IFT80: variants seen among roughly 807,000 people sequenced by gnomAD.
IFT80 encodes intraflagellar transport 80.
In IFT80, 79 loss-of-function variants were observed where a neutral mutation model predicts 107.9. The ratio of observed to expected loss-of-function variants is 0.73; its 90% CI spans 0.61 to 0.88. The LOEUF (loss-of-function observed/expected upper bound fraction) is 0.88. Among genes scored for constraint, IFT80 ranks in the 40% least tolerant of loss-of-function variants. The pLI is 0.00. For missense variants in IFT80, 797 were observed against 914.2 expected (o/e 0.87, Z 1.65); for synonymous variants, 299 against 300.9 (o/e 0.99, Z 0.07).
At chr3:160,377,153 G>A (rs1020405418) in intron 4 of IFT80, among the ~76,000 whole-genome samples, 1 of 152,056 alleles carries the variant, frequency 6.6e-6, no homozygotes, top group African/African-American at 2.4e-5. Flanking sequence ...GAGAATATTT[G>A]GAATTTTCAA....
At chr3:160,270,204 T>A (rs568587934) in intron 18 of IFT80, among the ~76,000 whole-genome samples, 2 of 152,366 alleles carry the variant, frequency 1.3e-5, no homozygotes. Flanking sequence ...TTTCACCACA[T>A]TGGCCAGGCT....
intron 9 of IFT80, among the ~76,000 whole-genome samples, chr3:160,308,584 A>G (rs1202454542): frequency 6.6e-6 from 1 of 152,164 alleles, no homozygotes; most frequent in East Asian, 1.9e-4. Context: ...GGAAAAAAGT[A>G]ATTATACCTA....
chr3:160,325,622 C>T (rs1718625183), intron 8 of IFT80, among the ~76,000 whole-genome samples: 2 of 151,792 alleles, frequency 1.3e-5, no homozygotes, highest in Admixed American at 6.6e-5. Flanking sequence ...GAGCCAGAAG[C>T]GAATTTTGAA....
At position 160,357,516 on chromosome 3, in the gene IFT80, T is replaced by A. The variant is rs1359553849; in HGVS notation, c.612A>T (p.Leu204Phe). 6.3e-7 allele frequency: 1 copy of A among 1,585,038 alleles called. No homozygotes were observed. The highest frequency in any genetic ancestry group is 8.7e-7 in the Non-Finnish European group (1 of 1,154,084). ...TATATTTACAGTCTTCACCAGCAGA[T>A]AAAATAAGATCATTGACCGAGTTCC... is the stretch of plus-strand genomic sequence containing the variant. Reference protein sequence around the residue: ...VDWNSVNDLILSAGEDCKYKV... With the variant: ...VDWNSVNDLIFSAGEDCKYKV... The change falls in exon 7 of 20, where the codon TTA becomes TTT. Residue 204 changes from leucine to phenylalanine, a missense_variant. By Grantham distance (22) the Leu-to-Phe change is conservative (BLOSUM62 0). Transcript: ENST00000326448.
intron 5 of IFT80, among the ~76,000 whole-genome samples, chr3:160,374,519 T>C (rs1711835987): frequency 6.6e-6 from 1 of 151,884 alleles, no homozygotes; most frequent in African/African-American, 2.4e-5. Flanking sequence ...GGCAACAAAT[T>C]GATAGAAGAA....
rs114192008 is a variant in IFT80, at chr3:160,350,690, G to A, written c.777+5323C>T. Among the ~76,000 whole-genome samples, 20 of 151,780 alleles carry A rather than the reference G, an allele frequency of 1.3e-4. No homozygotes were observed. The South Asian group carries it at 3.5e-3, about 27-fold the overall frequency. ...ATTAGCTGGGCGTGGTGATGTGCGC[G>A]TGTAGTCCCAGTTACTTGTGAGGCT... On this transcript the variant is annotated intron_variant, in intron 8 of 19. Coordinates refer to ENST00000326448, the MANE Select transcript of IFT80 (RefSeq NM_020800.3).
chr3:160,320,728 T>TTTG (rs376482900), intron 8 of IFT80, among the ~76,000 whole-genome samples: 1 of 151,866 alleles, frequency 6.6e-6, no homozygotes, highest in Non-Finnish European at 1.5e-5. Context: ...CAGTCTTGAT[T>TTTG]TTGTTGTTGT....
At chr3:160,347,688 A>G (rs1372324708) in intron 8 of IFT80, among the ~76,000 whole-genome samples, 2 of 152,162 alleles carry the variant, frequency 1.3e-5, no homozygotes, top group Non-Finnish European at 2.9e-5. Flanking sequence ...CAGTCTTTTT[A>G]CTAAATAACA....
intron 1 of IFT80, among the ~76,000 whole-genome samples, chr3:160,390,634 T>A (rs1485898902): frequency 6.6e-6 from 1 of 152,182 alleles, no homozygotes; most frequent in Non-Finnish European, 1.5e-5. Context: ...TCCTGCAATA[T>A]CCATTCATCC....
intron 19 of IFT80, among the ~76,000 whole-genome samples, chr3:160,263,268 T>G (rs986867820): frequency 1.3e-5 from 2 of 152,196 alleles, no homozygotes; most frequent in Non-Finnish European, 2.9e-5. Context: ...AAATTTTTCT[T>G]AAATTAATCG....
intron 12 of IFT80, among the ~76,000 whole-genome samples, chr3:160,293,157 G>GA (rs1187054920): frequency 6.6e-6 from 1 of 152,164 alleles, no homozygotes; most frequent in African/African-American, 2.4e-5. Context: ...CAGAGCAAAA[G>GA]AATGATATTG....
At chr3:160,258,972 G>A (rs1395487373) in intron 19 of IFT80, among the ~76,000 whole-genome samples, 1 of 152,014 alleles carries the variant, frequency 6.6e-6, no homozygotes, top group Non-Finnish European at 1.5e-5. Context: ...GCTGGGTGTG[G>A]TGGCACACAC....
At position 160,268,485 on chromosome 3, in the gene IFT80, A is replaced by T. The variant is rs749975436; in HGVS notation, c.2151T>A (p.Ala717=). The change falls in exon 19 of 20, where the codon GCT becomes GCA. Residue 717 remains alanine (A), a synonymous_variant. Transcript: ENST00000326448. ...ATGTCTCCAAAAACTTTTGACGGTAAGCAAGAACTGTATCAACATGTGTTT... is the reference window on the plus strand; with the variant it reads ...ATGTCTCCAAAAACTTTTGACGGTATGCAAGAACTGTATCAACATGTGTTT... ...KYKTHVDTVL[A]YRQKFLETFG... The T allele has an allele frequency of 4.3e-6, 7 of 1,613,312 alleles. No individual in the cohort carries two copies. Among genetic ancestry groups the T allele is most frequent in the Non-Finnish European group, 5.9e-6 (7 of 1,179,470 alleles).
intron 4 of IFT80, among the ~76,000 whole-genome samples, chr3:160,377,181 CT>C (rs1420160841): frequency 1.3e-5 from 2 of 152,148 alleles, no homozygotes; most frequent in Non-Finnish European, 2.9e-5. Flanking sequence ...AGAATTACAA[CT>C]TTTATTTATT....
rs531023258 is a variant in IFT80 at position 160,307,279 on chromosome 3, T to C, written c.1076+384A>G. Among the ~76,000 whole-genome samples, 18 of 152,170 alleles carry C rather than the reference T, an allele frequency of 1.2e-4. No individual in the cohort carries two copies. The South Asian group carries it at 3.5e-3, about 30-fold the overall frequency. On this transcript the variant is annotated intron_variant, in intron 10 of 19. Coordinates refer to ENST00000326448, the MANE Select transcript of IFT80 (RefSeq NM_020800.3). ...CCTCTAGTACCAGCCTCCTGAGAAG[T>C]TAGGACCACAGGTGCGCACCTCCAC...
chr3:160,319,014 AT>A (rs781212659), intron 9 of IFT80, among the ~76,000 whole-genome samples: 1 of 151,984 alleles, frequency 6.6e-6, no homozygotes, highest in Non-Finnish European at 1.5e-5. Context: ...CCCCCAGCTT[AT>A]TACCACTAGA....
intron 19 of IFT80, among the ~76,000 whole-genome samples, chr3:160,266,381 TTTTC>T (rs1442321996): frequency 2.0e-5 from 3 of 151,442 alleles, no homozygotes; most frequent in East Asian, 3.9e-4. Context: ...CTTTCTCTTT[TTTTC>T]TTTCTCTCTT....
rs150032999 is a variant in IFT80, at chr3:160,340,394, C to G, written c.777+15619G>C. ...CCTTAGAAAAACATAATTTGATTATCTTGCAGTTCTCTAAGTCATAAACAC... is the reference window on the plus strand; with the variant it reads ...CCTTAGAAAAACATAATTTGATTATGTTGCAGTTCTCTAAGTCATAAACAC... On this transcript the variant is annotated intron_variant, in intron 8 of 19. Coordinates refer to ENST00000326448, the MANE Select transcript of IFT80 (RefSeq NM_020800.3). 2.4e-3 allele frequency among the ~76,000 whole-genome samples: 358 copies of G among 152,270 alleles called. 4 individuals are homozygous for G. Among genetic ancestry groups the G allele is most frequent in the African/African-American group, 8.0e-3 (331 of 41,536 alleles).
chr3:160,366,075 T>G lies in IFT80; in HGVS notation c.517A>C (p.Lys173Gln), dbSNP rs1327849611. Residue 173 changes from lysine (K) to glutamine (Q), a missense_variant, in exon 6 of 20, where the codon AAA (lysine) becomes CAA (glutamine). By Grantham distance (53) the Lys-to-Gln change is moderately conservative (BLOSUM62 1). Transcript: ENST00000326448. ...LYTAGKQLII[K>Q]PLQPNAKVLQ... ...ACTTTAGCATTTGGTTGAAGAGGTT[T>G]AATGATTAGCTGCTTGCCTGCTGTA... The G allele has an allele frequency of 9.3e-6, 15 of 1,612,822 alleles. No individual in the cohort carries two copies. Among genetic ancestry groups the G allele is most frequent in the Non-Finnish European group, 1.3e-5 (15 of 1,179,118 alleles).
Sources: gnomAD v4.1 joint callset for allele counts (sites outside exome capture counted in the v4.1 genomes callset) on GRCh38, gnomAD v4.1.1 for gene constraint, MANE v1.5 for transcripts, NCBI Gene and HGNC (gene_info 2026-07-23, HGNC 2026-07-21) for gene names.